Variants in DBT observed in about 807,000 individuals in gnomAD.
DBT encodes lipoamide acyltransferase component of branched-chain alpha-keto acid dehydrogenase complex, mitochondrial.
DBT carries 40 observed loss-of-function variants against 51.3 expected under a neutral mutation model. The ratio of observed to expected loss-of-function variants is 0.78; its 90% CI spans 0.61 to 1.02. The LOEUF is 1.02. DBT is among the 50% of genes least tolerant of loss of function. The pLI is 0.00. For synonymous variants in DBT, 181 were observed against 190.4 expected (o/e 0.95, Z 0.41); for missense variants, 510 against 580.2 (o/e 0.88, Z 1.24).
intron 4 of DBT, among the ~76,000 whole-genome samples, chr1:100,227,756 C>T (rs1159232263): frequency 3.3e-5 from 5 of 152,188 alleles, no homozygotes; most frequent in African/African-American, 1.2e-4. Context: ...GAAGTACAAA[C>T]ATGATCTATG....
intron 2 of DBT, among the ~76,000 whole-genome samples, chr1:100,236,889 T>C (rs1377064171): frequency 2.0e-5 from 3 of 152,312 alleles, no homozygotes; most frequent in South Asian, 4.1e-4. Context: ...ATGCGGTATG[T>C]GGCAAGAAAT....
chr1:100,191,612 T>C lies in DBT; in HGVS notation c.*4643A>G, dbSNP rs1053438894. 7 of 152,266 alleles carry C rather than the reference T, an allele frequency of 4.6e-5. No individual in the cohort carries two copies. The highest frequency in any genetic ancestry group is 1.7e-4 in the African/African-American group (7 of 41,454). The allele number at this position is 152,266 out of a possible 1,614,324, so 9.4% of individuals were successfully genotyped here. A position where few individuals can be genotyped will look rare whatever the true frequency, so the allele number is the denominator to read the frequency against. On this transcript the variant is annotated 3_prime_UTR_variant, in exon 11 of 11. Transcript: ENST00000370132. ...ATCCATGTAGTTGAATGAGGATGGC[T>C]GACTCCTAGGCTCCAAAGGTGACTA... is the stretch of plus-strand genomic sequence containing the variant.
At chr1:100,240,500 T>A (rs1664147383) in intron 2 of DBT, among the ~76,000 whole-genome samples, 1 of 152,042 alleles carries the variant, frequency 6.6e-6, no homozygotes, top group Non-Finnish European at 1.5e-5. Flanking sequence ...TGCACTCCAA[T>A]CTGGGCAACT....
chr1:100,238,235 T>C, intron 2 of DBT, among the ~76,000 whole-genome samples: 1 of 141,866 alleles, frequency 7.0e-6, no homozygotes, highest in East Asian at 2.2e-4. Context: ...CCTCCCTTCC[T>C]TCCCTCACTT....
At chr1:100,239,305 C>T (rs1664072771) in intron 2 of DBT, among the ~76,000 whole-genome samples, 1 of 152,112 alleles carries the variant, frequency 6.6e-6, no homozygotes, top group Non-Finnish European at 1.5e-5. Context: ...TATCCAGCAA[C>T]CCAAAGTTCC....
intron 2 of DBT, among the ~76,000 whole-genome samples, chr1:100,238,824 A>G (rs1664051662): frequency 6.6e-6 from 1 of 152,200 alleles, no homozygotes. Context: ...GATGTGAGCT[A>G]CAGCTACAGA....
chr1:100,221,931 C>G (rs2100810619), intron 4 of DBT, among the ~76,000 whole-genome samples: 1 of 152,234 alleles, frequency 6.6e-6, no homozygotes, highest in Middle Eastern at 3.4e-3. Context: ...AGGAGAAATT[C>G]TTTTAAGAAA....
intron 10 of DBT, among the ~76,000 whole-genome samples, chr1:100,200,709 A>T (rs1211729071): frequency 2.0e-5 from 3 of 152,188 alleles, no homozygotes; most frequent in Non-Finnish European, 2.9e-5. Context: ...CCAGAGGAAG[A>T]AGCAGGCAGC....
intron 4 of DBT, 65 bp downstream of exon 4, chr1:100,230,668 G>A (rs1390605780): frequency 1.0e-6 from 1 of 992,844 alleles, no homozygotes; most frequent in Non-Finnish European, 1.5e-6. Flanking sequence ...ACTTTTAATT[G>A]GGACCCAATG....
chr1:100,228,771 A>C (rs1663360067), intron 4 of DBT, among the ~76,000 whole-genome samples: 1 of 152,180 alleles, frequency 6.6e-6, no homozygotes, highest in Non-Finnish European at 1.5e-5. Flanking sequence ...AACAAACAAA[A>C]AAATAAAATT....
At chr1:100,201,878 C>A (rs1661455919) in intron 10 of DBT, among the ~76,000 whole-genome samples, 1 of 152,146 alleles carries the variant, frequency 6.6e-6, no homozygotes, top group Admixed American at 6.6e-5. Context: ...CACCACCAGG[C>A]CTGCCCTACA....
At chr1:100,247,697 C>CA (rs59843533) in intron 1 of DBT, among the ~76,000 whole-genome samples, 4,499 of 107,816 alleles carry the variant, frequency 0.042, 267 homozygotes, top group African/African-American at 0.12. Context: ...AGACTCTTCT[C>CA]AAAAAAAAAA....
chr1:100,210,307 CAAT>C (rs570807971), intron 8 of DBT, among the ~76,000 whole-genome samples: 1 of 70,194 alleles, frequency 1.4e-5, no homozygotes, highest in Non-Finnish European at 4.0e-5. Flanking sequence ...GAGACTCTGC[CAAT>C]AATAATAATA....
chr1:100,232,411 A>G (rs1663601926), intron 3 of DBT, among the ~76,000 whole-genome samples: 1 of 152,106 alleles, frequency 6.6e-6, no homozygotes, highest in Admixed American at 6.6e-5. Flanking sequence ...AAGTGTTGGG[A>G]TAACAGGCAT....
At chr1:100,200,026 G>T (rs1471416318) in intron 10 of DBT, among the ~76,000 whole-genome samples, 1 of 151,904 alleles carries the variant, frequency 6.6e-6, no homozygotes, top group African/African-American at 2.4e-5. Context: ...ATACCCCAGT[G>T]ATGCCTGGAA....
rs943709170 is a variant in DBT at position 100,191,164 on chromosome 1, C to T, written c.*5091G>A. The T allele has an allele frequency of 2.0e-5, 3 of 152,060 alleles. No homozygotes were observed. The highest frequency in any genetic ancestry group is 4.8e-5 in the African/African-American group (2 of 41,402). 9.4% of individuals were successfully genotyped at this position (152,060 alleles called of 1,614,324 possible). A position where few individuals can be genotyped will look rare whatever the true frequency, so the allele number is the denominator to read the frequency against. On this transcript the variant is annotated 3_prime_UTR_variant, in exon 11 of 11. Coordinates refer to ENST00000370132, the MANE Select transcript of DBT (RefSeq NM_001918.5). Reference sequence around the variant, plus strand: ...ATTAAAGCTAGTGAGTATATTAACACGCAAACATTTTAAGAAAAATCAGAT... The same window carrying T: ...ATTAAAGCTAGTGAGTATATTAACATGCAAACATTTTAAGAAAAATCAGAT...
intron 10 of DBT, among the ~76,000 whole-genome samples, chr1:100,204,401 G>A (rs775240351): frequency 2.0e-5 from 3 of 152,186 alleles, no homozygotes; most frequent in East Asian, 1.9e-4. Context: ...TACAAGGGAT[G>A]TGAGGGACCT....
chr1:100,212,807 G>A (rs1323682765), intron 7 of DBT, among the ~76,000 whole-genome samples: 2 of 152,188 alleles, frequency 1.3e-5, no homozygotes, highest in Non-Finnish European at 2.9e-5. Flanking sequence ...CAGCAATTAT[G>A]GGTACCTTAA....
At position 100,194,536 on chromosome 1, in the gene DBT, G is replaced by A. The variant is rs940306083; in HGVS notation, c.*1719C>T. ...GTATTTTTACAAAACTGTAGAGATGGGGTTTCACCATGTTGGCCAGGGTGG... is the reference window on the plus strand; with the variant it reads ...GTATTTTTACAAAACTGTAGAGATGAGGTTTCACCATGTTGGCCAGGGTGG... On this transcript the variant is annotated 3_prime_UTR_variant, in exon 11 of 11. Coordinates refer to ENST00000370132, the MANE Select transcript of DBT (RefSeq NM_001918.5). 6.6e-6 allele frequency: 1 copy of A among 151,932 alleles called. No homozygotes were observed. Among genetic ancestry groups the A allele is most frequent in the African/African-American group, 2.4e-5 (1 of 41,306 alleles). 9.4% of individuals were successfully genotyped at this position (151,932 alleles called of 1,614,324 possible). A position where few individuals can be genotyped will look rare whatever the true frequency, so the allele number is the denominator to read the frequency against.
Sources: allele counts gnomAD v4.1 joint callset (sites outside exome capture counted in the v4.1 genomes callset), GRCh38; gene constraint gnomAD v4.1.1; transcripts MANE v1.5; gene names NCBI Gene and HGNC (gene_info 2026-07-23, HGNC 2026-07-21).